Variants in AFG2A observed in about 807,000 individuals in gnomAD.
The protein encoded by AFG2A is ATPase family gene 2 protein homolog A.
At chr4:123,025,716 C>G in the AFG2A span, among the ~76,000 whole-genome samples, 2,078 of 152,166 alleles carry the variant, frequency 0.014, 49 homozygotes, top group African/African-American at 0.047. Flanking sequence ...AAATGTAAAA[C>G]ATGACATTCC....
the AFG2A span, chr4:122,935,915 G>A: frequency 1.4e-6 from 2 of 1,443,568 alleles, no homozygotes; most frequent in Non-Finnish European, 1.9e-6. Context: ...AAAAATGATT[G>A]TGTAGTATTC....
chr4:123,212,009 T>G, the AFG2A span, among the ~76,000 whole-genome samples: 22 of 152,134 alleles, frequency 1.4e-4, no homozygotes, highest in African/African-American at 5.3e-4. Flanking sequence ...GAACAAGATT[T>G]TGGTTTTTAC....
the AFG2A span, among the ~76,000 whole-genome samples, chr4:123,044,959 T>A: frequency 6.6e-6 from 1 of 152,168 alleles, no homozygotes; most frequent in South Asian, 2.1e-4. Context: ...CCTCATAATT[T>A]TAATGTTTTC....
chr4:123,275,438 G>C, the AFG2A span, among the ~76,000 whole-genome samples: 1 of 152,090 alleles, frequency 6.6e-6, no homozygotes, highest in Admixed American at 6.6e-5. Context: ...TGGCAGTCCA[G>C]CTTATATTCT....
At chr4:123,242,137 C>G in the AFG2A span, among the ~76,000 whole-genome samples, 1 of 151,246 alleles carries the variant, frequency 6.6e-6, no homozygotes, top group South Asian at 2.1e-4. Context: ...AGGACACAAA[C>G]AAATGGAAGA....
At chr4:123,112,627 G>A in the AFG2A span, among the ~76,000 whole-genome samples, 45 of 152,202 alleles carry the variant, frequency 3.0e-4, no homozygotes, top group African/African-American at 1.1e-3. Context: ...TTGGCTAAAA[G>A]TACATACTGT....
chr4:123,053,503 G>A, the AFG2A span, among the ~76,000 whole-genome samples: 3,267 of 152,308 alleles, frequency 0.021, 63 homozygotes, highest in Non-Finnish European at 0.035. Context: ...GACTGGCCCC[G>A]ACTTATTTGC....
the AFG2A span, among the ~76,000 whole-genome samples, chr4:123,263,092 T>C: frequency 6.6e-6 from 1 of 152,236 alleles, no homozygotes; most frequent in Non-Finnish European, 1.5e-5. Context: ...TTGAATATCA[T>C]CCGAACTTGC....
chr4:123,177,556 A>C, the AFG2A span, among the ~76,000 whole-genome samples: 2 of 152,108 alleles, frequency 1.3e-5, no homozygotes, highest in Non-Finnish European at 2.9e-5. Context: ...CCTCCACTCT[A>C]GTCCTCTTAT....
the AFG2A span, among the ~76,000 whole-genome samples, chr4:123,030,189 C>G: frequency 3.3e-5 from 5 of 152,094 alleles, no homozygotes; most frequent in African/African-American, 4.8e-5. Flanking sequence ...AACCTGTGAG[C>G]GAAGTCCTCA....
the AFG2A span, among the ~76,000 whole-genome samples, chr4:123,058,596 C>T: frequency 6.6e-6 from 1 of 152,030 alleles, no homozygotes; most frequent in East Asian, 1.9e-4. Context: ...TCGCACTCCA[C>T]CCTGGGCAAC....
chr4:123,174,508 A>C, the AFG2A span, among the ~76,000 whole-genome samples: 2 of 152,208 alleles, frequency 1.3e-5, no homozygotes, highest in African/African-American at 4.8e-5. Flanking sequence ...GAAATGTATC[A>C]GGAAGAGGGA....
chr4:123,143,100 C>CA, the AFG2A span, among the ~76,000 whole-genome samples: 3 of 148,768 alleles, frequency 2.0e-5, no homozygotes, highest in South Asian at 2.1e-4. Flanking sequence ...TTACAAAATC[C>CA]AAAAAAAATC....
chr4:123,098,683 C>T, the AFG2A span, among the ~76,000 whole-genome samples: 2 of 152,088 alleles, frequency 1.3e-5, no homozygotes, highest in African/African-American at 4.8e-5. Context: ...CATATTGTCA[C>T]AAATGACAGG....
chr4:123,122,330 C>T, the AFG2A span, among the ~76,000 whole-genome samples: 1 of 152,174 alleles, frequency 6.6e-6, no homozygotes, highest in East Asian at 1.9e-4. Context: ...ATTTAAAACA[C>T]CTAACCTACC....
At chr4:123,224,531 G>A in the AFG2A span, among the ~76,000 whole-genome samples, 1 of 152,156 alleles carries the variant, frequency 6.6e-6, no homozygotes, top group Non-Finnish European at 1.5e-5. Context: ...CCCTACAAAG[G>A]ACATGAACTC....
chr4:123,239,568 C>G, the AFG2A span, among the ~76,000 whole-genome samples: 2 of 152,240 alleles, frequency 1.3e-5, no homozygotes, highest in Non-Finnish European at 2.9e-5. Flanking sequence ...AATTTGATAT[C>G]CAGCCAAACT....
chr4:123,028,419 G>A, the AFG2A span: 7 of 1,602,848 alleles, frequency 4.4e-6, no homozygotes, highest in South Asian at 2.2e-5. Flanking sequence ...TTTTTTAATC[G>A]CTACTCTCTC....
At chr4:123,156,190 GT>G in the AFG2A span, among the ~76,000 whole-genome samples, 2 of 151,998 alleles carry the variant, frequency 1.3e-5, no homozygotes, top group South Asian at 4.2e-4. Context: ...TAGTTTGCAA[GT>G]TTATCTCTTC....
Sources: allele counts gnomAD v4.1 joint callset (sites outside exome capture counted in the v4.1 genomes callset), GRCh38; gene constraint gnomAD v4.1.1; transcripts MANE v1.5; gene names NCBI Gene and HGNC (gene_info 2026-07-23, HGNC 2026-07-21).